The following SMAD9 variants were observed in gnomAD, a reference collection of about 807,000 sequenced individuals.
SMAD9 encodes SMAD family member 9, also known as MAD homolog 9.
In SMAD9, 36 loss-of-function variants were observed where a neutral mutation model predicts 46.1. The observed-to-expected ratio is 0.78, with a 90% CI of 0.60 to 1.03. The LOEUF is 1.03. Ranked by LOEUF, SMAD9 falls within the 50% of genes least tolerant of loss-of-function variation. The probability of loss-of-function intolerance (pLI) is 0.00; values close to 1 mark genes in which losing one functional copy is unlikely to be tolerated. For missense variants in SMAD9, 572 were observed against 599.8 expected, an observed-to-expected ratio of 0.95 and a Z score of 0.48; for synonymous variants, 245 against 237.1, an observed-to-expected ratio of 1.03 and a Z score of -0.31.
intron 1 of SMAD9, among the ~76,000 whole-genome samples, chr13:36,891,556 A>G (rs2058489120): frequency 1.3e-5 from 2 of 152,178 alleles, no homozygotes; most frequent in African/African-American, 4.8e-5. Flanking sequence ...GAGTGATCTC[A>G]TTGTAGAGAG....
chr13:36,899,170 T>G (rs1228918493), intron 1 of SMAD9, among the ~76,000 whole-genome samples: 1 of 152,118 alleles, frequency 6.6e-6, no homozygotes, highest in Non-Finnish European at 1.5e-5. Context: ...ACATTTACAA[T>G]AGCTCAAAAA....
At chr13:36,853,398 G>T in intron 6 of SMAD9, 21 bp downstream of exon 6, 3 of 1,612,596 alleles carry the variant, frequency 1.9e-6, no homozygotes, top group Non-Finnish European at 1.7e-6. Flanking sequence ...ATTTTATAAC[G>T]TGATAGCAAG....
chr13:36,864,953 G>A (rs2058217511), intron 5 of SMAD9, among the ~76,000 whole-genome samples: 2 of 152,118 alleles, frequency 1.3e-5, no homozygotes, highest in Admixed American at 1.3e-4. Context: ...ACACTCAGCT[G>A]GGATTTGCTA....
intron 6 of SMAD9, chr13:36,851,690 T>G: frequency 2.1e-6 from 2 of 949,284 alleles, no homozygotes; most frequent in South Asian, 9.7e-5. Context: ...ATCTGATCCA[T>G]CAGCCCAGTG....
chr13:36,920,635 C>G (rs565951252), upstream of SMAD9: 3 of 152,508 alleles, frequency 2.0e-5, no homozygotes, highest in African/African-American at 7.2e-5. Context: ...CCCACCCCAC[C>G]TCTGAGATTT....
At chr13:36,901,300 T>C (rs1357843968) in intron 1 of SMAD9, among the ~76,000 whole-genome samples, 1 of 152,204 alleles carries the variant, frequency 6.6e-6, no homozygotes, top group Non-Finnish European at 1.5e-5. Context: ...CAGAAACGTA[T>C]GAAAATTCCA....
At chr13:36,873,719 C>T (rs1167919132) in intron 2 of SMAD9, among the ~76,000 whole-genome samples, 3 of 151,928 alleles carry the variant, frequency 2.0e-5, no homozygotes, top group Non-Finnish European at 4.4e-5. Flanking sequence ...AACAATTAGC[C>T]GGGTGTGGTG....
In SMAD9 at chr13:36,853,293, A is replaced by G. The variant is rs1488535683; in HGVS notation, c.1260+126T>C. 13 of 889,080 alleles carry G rather than the reference A, an allele frequency of 1.5e-5. No homozygotes were observed. The Admixed American group carries it at 1.8e-4, about 12-fold the overall frequency. 55.1% of individuals were successfully genotyped at this position (889,080 alleles called of 1,614,324 possible). A position where few individuals can be genotyped will look rare whatever the true frequency, so the allele number is the denominator to read the frequency against. The stretch of plus-strand genomic sequence containing the variant: ...GAGTGAAACTCCGTCTCAAAAAATA[A>G]TAATAATAATAAATTGGTTTTGTCT... On this transcript the variant is annotated intron_variant, in intron 6 of 6. Transcript: ENST00000379826.
At chr13:36,893,832 A>T (rs1047601603) in intron 1 of SMAD9, among the ~76,000 whole-genome samples, 1 of 152,166 alleles carries the variant, frequency 6.6e-6, no homozygotes, top group Non-Finnish European at 1.5e-5. Context: ...GGAGTAGCCC[A>T]ACAAGAAGAT....
At chr13:36,873,953 T>C (rs2058321157) in intron 2 of SMAD9, among the ~76,000 whole-genome samples, 1 of 152,224 alleles carries the variant, frequency 6.6e-6, no homozygotes, top group African/African-American at 2.4e-5. Context: ...AAAAAGAATG[T>C]TACTGTTCTT....
At chr13:36,909,583 G>A (rs1032593951) in intron 1 of SMAD9, among the ~76,000 whole-genome samples, 20 of 152,178 alleles carry the variant, frequency 1.3e-4, no homozygotes, top group African/African-American at 4.1e-4. Flanking sequence ...AGTTTGGAAG[G>A]GCCCACAATT....
At chr13:36,896,476 T>C (rs1275035368) in intron 1 of SMAD9, among the ~76,000 whole-genome samples, 1 of 152,032 alleles carries the variant, frequency 6.6e-6, no homozygotes, top group African/African-American at 2.4e-5. Flanking sequence ...ACTCTTCCTC[T>C]CCATCTTCTT....
intron 1 of SMAD9, among the ~76,000 whole-genome samples, chr13:36,914,829 C>T (rs1593633761): frequency 6.6e-6 from 1 of 152,168 alleles, no homozygotes; most frequent in Non-Finnish European, 1.5e-5. Context: ...CGCTACCATC[C>T]ATCAAATGCT....
In SMAD9 at chr13:36,848,541, TA is replaced by T. The variant is rs1027368695; in HGVS notation, c.*134del. 1.2e-4 allele frequency: 107 copies of T among 903,848 alleles called. No individual in the cohort carries two copies. The highest frequency in any genetic ancestry group is 2.3e-4 in the Middle Eastern group (1 of 4,416). The allele number at this position is 903,848 out of a possible 1,614,324, so 56.0% of individuals were successfully genotyped here. A position where few individuals can be genotyped will look rare whatever the true frequency, so the allele number is the denominator to read the frequency against. ...TAGAAAGCACAAAACAAACGGTGATTAAAAAAAATAAGAACAGTATACATTC... is the reference window on the plus strand; with the variant it reads ...TAGAAAGCACAAAACAAACGGTGATTAAAAAAATAAGAACAGTATACATTC... On this transcript the variant is annotated 3_prime_UTR_variant, in exon 7 of 7. Coordinates refer to ENST00000379826, the MANE Select transcript of SMAD9 (RefSeq NM_001127217.3).
chr13:36,867,462 A>G, intron 3 of SMAD9, 79 bp from the exon 4 acceptor site: 2 of 937,856 alleles, frequency 2.1e-6, no homozygotes, highest in Non-Finnish European at 3.3e-6. Context: ...ATCTTTTGCC[A>G]TTAAACTCCT....
chr13:36,903,648 CAA>C (rs896999788), intron 1 of SMAD9, among the ~76,000 whole-genome samples: 8 of 152,062 alleles, frequency 5.3e-5, no homozygotes, highest in Non-Finnish European at 1.0e-4. Flanking sequence ...CATCTAATCT[CAA>C]AAGTCTCCAA....
intron 6 of SMAD9, chr13:36,852,025 GA>G (rs2058078861): frequency 1.0e-6 from 1 of 977,084 alleles, no homozygotes. Context: ...TAAAGCAACA[GA>G]ACATTTGAAA....
At position 36,876,927 on chromosome 13, in the gene SMAD9, G is replaced by A. The variant is rs181972479; in HGVS notation, c.412+2351C>T. 2.6e-5 allele frequency among the ~76,000 whole-genome samples: 4 copies of A among 151,650 alleles called. 1 individual carries two copies. Among genetic ancestry groups the A allele is most frequent in the African/African-American group, 9.7e-5 (4 of 41,314 alleles). ...AAAAACACAAGTAAGAAAAACCTCT[G>A]TAACTTAAATATTACCTTAAATTAA... On this transcript the variant is annotated intron_variant, in intron 2 of 6. Coordinates refer to ENST00000379826, the MANE Select transcript of SMAD9 (RefSeq NM_001127217.3).
intron 2 of SMAD9, among the ~76,000 whole-genome samples, 168 bp downstream of exon 2, chr13:36,879,109 CG>C (rs1170342797): frequency 6.6e-6 from 1 of 151,990 alleles, no homozygotes; most frequent in Non-Finnish European, 1.5e-5. Flanking sequence ...TGCCTCATTC[CG>C]GGAAACAAAA....
Sources: allele counts gnomAD v4.1 joint callset (sites outside exome capture counted in the v4.1 genomes callset), GRCh38; gene constraint gnomAD v4.1.1; transcripts MANE v1.5; gene names NCBI Gene and HGNC (gene_info 2026-07-23, HGNC 2026-07-21).